RIMS3: variants seen among roughly 807,000 people sequenced by gnomAD.
RIMS3 encodes the protein regulating synaptic membrane exocytosis protein 3.
RIMS3 carries 15 observed loss-of-function variants against 29.2 expected under a neutral mutation model. That is an observed-to-expected ratio of 0.51 (90% confidence interval 0.34 to 0.79). The LOEUF is 0.79. Among genes scored for constraint, RIMS3 ranks in the 30% least tolerant of loss-of-function variants. The probability of loss-of-function intolerance (pLI) is 0.01; values close to 1 mark genes in which losing one functional copy is unlikely to be tolerated. For synonymous variants in RIMS3, 161 were observed against 170.1 expected (o/e 0.95, Z 0.41); for missense variants, 342 against 421.4 (o/e 0.81, Z 1.65).
intron 3 of RIMS3, among the ~76,000 whole-genome samples, chr1:40,637,639 TCA>T: frequency 6.6e-6 from 1 of 152,252 alleles, no homozygotes; most frequent in East Asian, 1.9e-4. Context: ...TATATCACAG[TCA>T]CACAGTCACA....
At chr1:40,668,808 T>A (rs1207498761), upstream of RIMS3, among the ~76,000 whole-genome samples, 1 of 151,328 alleles carries the variant, frequency 6.6e-6, no homozygotes, top group Non-Finnish European at 1.5e-5. Flanking sequence ...AGGGGATATA[T>A]CCTGGTTGCC....
At chr1:40,627,418 C>T (rs571174881) in intron 7 of RIMS3, among the ~76,000 whole-genome samples, 5 of 151,964 alleles carry the variant, frequency 3.3e-5, no homozygotes, top group East Asian at 1.9e-4. Flanking sequence ...TTAGTAGAGA[C>T]GGGGTTTCAC....
the RIMS3 span, among the ~76,000 whole-genome samples, chr1:40,677,427 G>A: frequency 6.0e-4 from 91 of 151,962 alleles, 1 homozygote; most frequent in East Asian, 0.011. Flanking sequence ...GGCCGGGTGC[G>A]GTGGCTCATG....
chr1:40,682,865 C>A, the RIMS3 span, among the ~76,000 whole-genome samples: 1 of 150,242 alleles, frequency 6.7e-6, no homozygotes, highest in Non-Finnish European at 1.5e-5. Flanking sequence ...CTCAGCCTCC[C>A]GAGTAGCTGG....
rs562228650 is a variant in RIMS3, at chr1:40,646,667, C to A, written c.-32+1001G>T. ...AGACAGCTACTGCCCCCACTCCTGCCAAAACTCCATGCCAAAAGAGACCTG... is the reference window on the plus strand; with the variant it reads ...AGACAGCTACTGCCCCCACTCCTGCAAAAACTCCATGCCAAAAGAGACCTG... On this transcript the variant is annotated intron_variant, in intron 2 of 7. Transcript: ENST00000372684. Among the ~76,000 whole-genome samples, 5 of 152,232 alleles carry A rather than the reference C, an allele frequency of 3.3e-5. No individual in the cohort carries two copies. In the South Asian group the frequency reaches 1.0e-3, roughly 32 times the overall value.
upstream of RIMS3, chr1:40,669,203 A>G (rs958409890): frequency 1.3e-5 from 2 of 152,272 alleles, no homozygotes; most frequent in African/African-American, 2.4e-5. Flanking sequence ...TGTGTTAAAC[A>G]CTTAACCTAG....
At chr1:40,648,379 G>A (rs1300823489) in intron 1 of RIMS3, among the ~76,000 whole-genome samples, 1 of 152,188 alleles carries the variant, frequency 6.6e-6, no homozygotes, top group African/African-American at 2.4e-5. Flanking sequence ...GAGACAAAGA[G>A]GAGCAGAAAG....
intron 3 of RIMS3, among the ~76,000 whole-genome samples, chr1:40,639,288 G>C (rs1646540915): frequency 6.6e-6 from 1 of 152,336 alleles, no homozygotes; most frequent in Admixed American, 6.5e-5. Context: ...CAATGCCCAT[G>C]AGTCTGCCTC....
At chr1:40,686,126 G>C in the RIMS3 span, among the ~76,000 whole-genome samples, 8 of 152,088 alleles carry the variant, frequency 5.3e-5, no homozygotes, top group Admixed American at 4.6e-4. Flanking sequence ...TCCAGCCTGG[G>C]TGACAAGAGC....
upstream of RIMS3, chr1:40,665,726 C>A (rs59433917): frequency 0.33 from 50,993 of 152,470 alleles, 8,679 homozygotes; most frequent in East Asian, 0.36. Flanking sequence ...CGGGGCCTGC[C>A]GGGGGCGGGG....
chr1:40,678,762 AC>A, the RIMS3 span, among the ~76,000 whole-genome samples: 1 of 152,164 alleles, frequency 6.6e-6, no homozygotes, highest in Non-Finnish European at 1.5e-5. Context: ...TTATGGTACC[AC>A]CCAGCACAAC....
chr1:40,640,068 C>A (rs1175505606), intron 3 of RIMS3, among the ~76,000 whole-genome samples: 2 of 152,268 alleles, frequency 1.3e-5, no homozygotes, highest in African/African-American at 4.8e-5. Flanking sequence ...GAAGACTGTC[C>A]CCCCAAATCA....
the RIMS3 span, among the ~76,000 whole-genome samples, chr1:40,679,049 A>G: frequency 6.6e-6 from 1 of 152,216 alleles, no homozygotes; most frequent in Non-Finnish European, 1.5e-5. Context: ...CCCAAAGTGC[A>G]CTTGTTGCTA....
chr1:40,649,655 A>C (rs1000263860), intron 1 of RIMS3, among the ~76,000 whole-genome samples: 2 of 152,168 alleles, frequency 1.3e-5, no homozygotes, highest in Admixed American at 1.3e-4. Flanking sequence ...CCTGGCCCCC[A>C]TCCTCGCCAG....
the RIMS3 span, among the ~76,000 whole-genome samples, chr1:40,683,540 T>C: frequency 6.6e-6 from 1 of 152,268 alleles, no homozygotes; most frequent in Non-Finnish European, 1.5e-5. Flanking sequence ...TGCCATGCTC[T>C]TGGGCTTTCC....
the RIMS3 span, among the ~76,000 whole-genome samples, chr1:40,686,140 ACT>A: frequency 3.3e-5 from 5 of 150,800 alleles, no homozygotes; most frequent in Non-Finnish European, 7.4e-5. Flanking sequence ...CAAGAGCGAA[ACT>A]CTGTCTCAAA....
At chr1:40,639,930 C>G (rs3820527) in intron 3 of RIMS3, among the ~76,000 whole-genome samples, 37,956 of 152,006 alleles carry the variant, frequency 0.25, 4,884 homozygotes, top group African/African-American at 0.29. Context: ...GAAGCCCCAT[C>G]ATCATTCATC....
the RIMS3 span, among the ~76,000 whole-genome samples, chr1:40,687,230 G>A: frequency 6.6e-6 from 1 of 152,198 alleles, no homozygotes; most frequent in African/African-American, 2.4e-5. Flanking sequence ...CAGAATTTCA[G>A]TATGGGATAA....
chr1:40,684,724 G>C, the RIMS3 span, among the ~76,000 whole-genome samples: 2 of 152,232 alleles, frequency 1.3e-5, no homozygotes, highest in Non-Finnish European at 2.9e-5. Context: ...GTTGTATGGA[G>C]AAATTTTATC....
Sources: gnomAD v4.1 joint callset for allele counts (sites outside exome capture counted in the v4.1 genomes callset) on GRCh38, gnomAD v4.1.1 for gene constraint, MANE v1.5 for transcripts, NCBI Gene and HGNC (gene_info 2026-07-23, HGNC 2026-07-21) for gene names.